Variants in ARB2A observed in about 807,000 individuals in gnomAD.
The protein encoded by ARB2A is cotranscriptional regulator ARB2A.
At chr5:93,696,848 G>T in the ARB2A span, among the ~76,000 whole-genome samples, 1 of 151,946 alleles carries the variant, frequency 6.6e-6, no homozygotes, top group Non-Finnish European at 1.5e-5. Flanking sequence ...GATTGCCTGA[G>T]GTCGAGAGTT....
At chr5:93,977,435 C>G in the ARB2A span, among the ~76,000 whole-genome samples, 1 of 152,040 alleles carries the variant, frequency 6.6e-6, no homozygotes, top group Non-Finnish European at 1.5e-5. Flanking sequence ...GCCAATGGAA[C>G]AGAATACGGA....
At chr5:93,660,651 G>A in the ARB2A span, among the ~76,000 whole-genome samples, 1 of 152,126 alleles carries the variant, frequency 6.6e-6, no homozygotes, top group Non-Finnish European at 1.5e-5. Flanking sequence ...TCATTCTTTA[G>A]ATGAAGGGGA....
the ARB2A span, chr5:93,736,461 T>C: frequency 2.3e-4 from 35 of 152,210 alleles, no homozygotes; most frequent in Admixed American, 2.0e-3. Context: ...GGCTACTTCA[T>C]GTTGTGGACT....
At chr5:94,094,527 G>A in the ARB2A span, among the ~76,000 whole-genome samples, 1 of 152,180 alleles carries the variant, frequency 6.6e-6, no homozygotes, top group East Asian at 1.9e-4. Context: ...GAAAGTATCA[G>A]GGGACTGTAA....
chr5:94,098,744 G>A, the ARB2A span, among the ~76,000 whole-genome samples: 1 of 151,976 alleles, frequency 6.6e-6, no homozygotes, highest in African/African-American at 2.4e-5. Flanking sequence ...GGCTAATTAA[G>A]AAGAAAAAAG....
At chr5:94,083,358 A>G in the ARB2A span, among the ~76,000 whole-genome samples, 1 of 152,232 alleles carries the variant, frequency 6.6e-6, no homozygotes, top group Admixed American at 6.5e-5. Flanking sequence ...AAACCCTAGG[A>G]AGCACAATAC....
At chr5:94,032,344 G>A in the ARB2A span, among the ~76,000 whole-genome samples, 5 of 152,312 alleles carry the variant, frequency 3.3e-5, no homozygotes, top group African/African-American at 9.6e-5. Context: ...GAGGAATCAG[G>A]TGTCTCACAT....
chr5:93,830,311 G>GTGTATA, the ARB2A span, among the ~76,000 whole-genome samples: 28 of 82,260 alleles, frequency 3.4e-4, no homozygotes, highest in African/African-American at 1.0e-3. Flanking sequence ...GTGTGTGTGT[G>GTGTATA]TATATATATA....
At chr5:93,882,130 TG>T in the ARB2A span, among the ~76,000 whole-genome samples, 2 of 151,422 alleles carry the variant, frequency 1.3e-5, no homozygotes, top group African/African-American at 4.8e-5. Context: ...TTCTTTACAA[TG>T]GCCCTTTCAA....
At chr5:93,747,259 T>C in the ARB2A span, among the ~76,000 whole-genome samples, 1 of 152,162 alleles carries the variant, frequency 6.6e-6, no homozygotes, top group Non-Finnish European at 1.5e-5. Flanking sequence ...GTGAGAATTA[T>C]TATTATTTTT....
the ARB2A span, among the ~76,000 whole-genome samples, chr5:93,818,776 T>C: frequency 6.6e-6 from 1 of 152,116 alleles, no homozygotes; most frequent in Non-Finnish European, 1.5e-5. Context: ...GTCTTACACC[T>C]GAACGAAAAA....
At chr5:93,827,918 G>A in the ARB2A span, among the ~76,000 whole-genome samples, 15 of 152,220 alleles carry the variant, frequency 9.9e-5, no homozygotes, top group African/African-American at 3.1e-4. Flanking sequence ...GGCATGCGGC[G>A]TTATTTCTGA....
At chr5:94,088,741 C>A in the ARB2A span, among the ~76,000 whole-genome samples, 1 of 152,172 alleles carries the variant, frequency 6.6e-6, no homozygotes, top group Non-Finnish European at 1.5e-5. Flanking sequence ...CATTTAAGCA[C>A]TTTTCTTTGG....
chr5:93,836,229 G>A, the ARB2A span, among the ~76,000 whole-genome samples: 1 of 151,918 alleles, frequency 6.6e-6, no homozygotes, highest in Non-Finnish European at 1.5e-5. Flanking sequence ...GGGTTTCACC[G>A]TGTTAGCCAG....
At chr5:93,972,589 A>G in the ARB2A span, among the ~76,000 whole-genome samples, 1 of 152,224 alleles carries the variant, frequency 6.6e-6, no homozygotes, top group African/African-American at 2.4e-5. Flanking sequence ...CTAGTTCCCC[A>G]GCAATGGATC....
the ARB2A span, among the ~76,000 whole-genome samples, chr5:93,924,589 C>G: frequency 6.6e-6 from 1 of 152,018 alleles, no homozygotes; most frequent in Non-Finnish European, 1.5e-5. Context: ...ATATTACCAA[C>G]AAATGTTTTC....
At chr5:93,938,064 T>C in the ARB2A span, among the ~76,000 whole-genome samples, 2 of 152,180 alleles carry the variant, frequency 1.3e-5, no homozygotes, top group Non-Finnish European at 2.9e-5. Flanking sequence ...TCAAAAGTAA[T>C]CTTAAATTCC....
At chr5:94,068,949 C>T in the ARB2A span, among the ~76,000 whole-genome samples, 2 of 150,696 alleles carry the variant, frequency 1.3e-5, no homozygotes, top group Admixed American at 1.3e-4. Flanking sequence ...ACTAGAGAAT[C>T]GCTTGAACCC....
the ARB2A span, among the ~76,000 whole-genome samples, chr5:93,948,674 A>C: frequency 6.6e-6 from 1 of 152,186 alleles, no homozygotes; most frequent in Admixed American, 6.5e-5. Flanking sequence ...TCCATCTTGA[A>C]TTAATTTTTG....
Sources: allele counts gnomAD v4.1 joint callset (sites outside exome capture counted in the v4.1 genomes callset), GRCh38; gene constraint gnomAD v4.1.1; transcripts MANE v1.5; gene names NCBI Gene and HGNC (gene_info 2026-07-23, HGNC 2026-07-21).